Variants in ATXN1 observed in about 807,000 individuals in gnomAD.
The protein encoded by ATXN1 is ataxin-1.
In ATXN1, 8 loss-of-function variants were observed where a neutral mutation model predicts 56.4. The observed-to-expected ratio is 0.14, with a 90% CI of 0.08 to 0.26. The LOEUF (loss-of-function observed/expected upper bound fraction) is 0.26, where lower values mean the gene tolerates loss of function less well. Among genes scored for constraint, ATXN1 ranks in the 10% least tolerant of loss-of-function variants. The probability of loss-of-function intolerance (pLI) is 1.00; values close to 1 mark genes in which losing one functional copy is unlikely to be tolerated. For synonymous variants in ATXN1, 514 were observed against 494.6 expected (o/e 1.04, Z -0.52); for missense variants, 987 against 1,106.5 (o/e 0.89, Z 1.53).
chr6:16,312,215 A>G (rs968222058), intron 7 of ATXN1, among the ~76,000 whole-genome samples: 1 of 152,236 alleles, frequency 6.6e-6, no homozygotes, highest in Non-Finnish European at 1.5e-5. Context: ...ATAATTGATT[A>G]GTGCAAAAGT....
intron 6 of ATXN1, among the ~76,000 whole-genome samples, chr6:16,392,274 G>A (rs183107447): frequency 1.1e-4 from 16 of 152,270 alleles, no homozygotes; most frequent in African/African-American, 3.9e-4. Flanking sequence ...CAAGCACAAA[G>A]ACAGAACTTG....
chr6:16,716,384 A>G (rs1378899795), intron 2 of ATXN1, among the ~76,000 whole-genome samples: 1 of 152,238 alleles, frequency 6.6e-6, no homozygotes, highest in Non-Finnish European at 1.5e-5. Flanking sequence ...ATGGTTAATC[A>G]TCTGTAAACC....
intron 4 of ATXN1, among the ~76,000 whole-genome samples, chr6:16,531,623 C>CAA (rs5874561): frequency 8.8e-5 from 9 of 102,532 alleles, no homozygotes; most frequent in African/African-American, 1.2e-4. Flanking sequence ...AACTGTGTCT[C>CAA]AAAAAAAAAA....
intron 4 of ATXN1, among the ~76,000 whole-genome samples, chr6:16,558,300 C>CAAAAAA (rs34684208): frequency 1.0e-5 from 1 of 95,410 alleles, no homozygotes; most frequent in Non-Finnish European, 2.1e-5. Context: ...GATCCTGTGT[C>CAAAAAA]AAAAAAAAAA....
chr6:16,579,178 A>G (rs542322290), intron 4 of ATXN1, among the ~76,000 whole-genome samples: 1 of 152,296 alleles, frequency 6.6e-6, no homozygotes, highest in East Asian at 1.9e-4. Flanking sequence ...GTGCATGAAC[A>G]GAGTGTTTTT....
chr6:16,600,276 G>C (rs533743360), intron 3 of ATXN1, among the ~76,000 whole-genome samples: 1 of 152,056 alleles, frequency 6.6e-6, no homozygotes, highest in African/African-American at 2.4e-5. Flanking sequence ...AGCATCATCC[G>C]GTGCTTCTCA....
chr6:16,609,295 A>C (rs977180594), intron 3 of ATXN1, among the ~76,000 whole-genome samples: 1 of 152,320 alleles, frequency 6.6e-6, no homozygotes, highest in South Asian at 2.1e-4. Flanking sequence ...AGAACCAAGC[A>C]TAAGTCCTCC....
At chr6:16,387,476 T>C (rs897179285) in intron 6 of ATXN1, among the ~76,000 whole-genome samples, 1 of 152,214 alleles carries the variant, frequency 6.6e-6, no homozygotes, top group Non-Finnish European at 1.5e-5. Context: ...AAACTCAGAC[T>C]ATGCTTGCTC....
intron 6 of ATXN1, among the ~76,000 whole-genome samples, chr6:16,452,025 C>T (rs1759764693): frequency 1.3e-5 from 2 of 152,180 alleles, no homozygotes; most frequent in African/African-American, 4.8e-5. Context: ...GTCCGAATGT[C>T]AGGCCGTTCT....
At chr6:16,456,199 C>T (rs1175532761) in intron 6 of ATXN1, among the ~76,000 whole-genome samples, 1 of 152,188 alleles carries the variant, frequency 6.6e-6, no homozygotes, top group African/African-American at 2.4e-5. Flanking sequence ...TGCCTCCATT[C>T]TTGAAGTCAG....
chr6:16,386,711 T>C (rs1304348342), intron 6 of ATXN1, among the ~76,000 whole-genome samples: 1 of 151,940 alleles, frequency 6.6e-6, no homozygotes, highest in Non-Finnish European at 1.5e-5. Context: ...ATAAAAGAAA[T>C]GAAGAAACGC....
chr6:16,306,745 C>T lies in ATXN1; in HGVS notation c.2032G>A (p.Val678Ile), dbSNP rs1760261759. The T allele has an allele frequency of 1.2e-6, 2 of 1,614,078 alleles. No homozygotes were observed. Among genetic ancestry groups the T allele is most frequent in the Non-Finnish European group, 1.7e-6 (2 of 1,179,982 alleles). The change falls in exon 8 of 8, where the codon GTT becomes ATT. Residue 678 changes from valine to isoleucine, a missense_variant. Coordinates refer to ENST00000436367, the MANE Select transcript of ATXN1 (RefSeq NM_001128164.2). The surrounding 1 kb of genome is among the most constrained non-coding windows in gnomAD (Gnocchi z 5.2). Reference sequence around the variant, plus strand: ...GTAAGCGAGATGCAGACATCCCCAACTGAGAGTTTGGAACACGGCAAATCA... The same window carrying T: ...GTAAGCGAGATGCAGACATCCCCAATTGAGAGTTTGGAACACGGCAAATCA... Reference protein sequence around the residue: ...LFDLPCSKLSVGDVCISLTLK... With the variant: ...LFDLPCSKLSIGDVCISLTLK...
chr6:16,492,465 C>CA (rs547153617), intron 5 of ATXN1, among the ~76,000 whole-genome samples: 23 of 145,490 alleles, frequency 1.6e-4, no homozygotes, highest in African/African-American at 2.8e-4. Context: ...GATGCACACA[C>CA]AAAAAAAAAT....
At chr6:16,345,914 C>G (rs1171512388) in intron 6 of ATXN1, among the ~76,000 whole-genome samples, 1 of 152,158 alleles carries the variant, frequency 6.6e-6, no homozygotes, top group East Asian at 1.9e-4. Flanking sequence ...TCCTCCTCCC[C>G]CAGCTCAGCG....
chr6:16,582,065 C>T (rs1180666468), intron 4 of ATXN1, among the ~76,000 whole-genome samples: 4 of 152,204 alleles, frequency 2.6e-5, no homozygotes, highest in African/African-American at 9.6e-5. Flanking sequence ...TCTCTCCTTA[C>T]CTTCTTCATT....
At position 16,510,252 on chromosome 6, in the gene ATXN1, C is replaced by T. The variant is rs574947263; in HGVS notation, c.-299+12375G>A. Among the ~76,000 whole-genome samples, 9 of 152,288 alleles carry T rather than the reference C, an allele frequency of 5.9e-5. No homozygotes were observed. The East Asian group carries it at 1.5e-3, about 26-fold the overall frequency. ...TTCCTGGGACCAGCAGCATCTCAGGCCCTATCTCAGACCGACAGGATCAGA... is the reference window on the plus strand; with the variant it reads ...TTCCTGGGACCAGCAGCATCTCAGGTCCTATCTCAGACCGACAGGATCAGA... On this transcript the variant is annotated intron_variant, in intron 5 of 7. Coordinates refer to ENST00000436367, the MANE Select transcript of ATXN1 (RefSeq NM_001128164.2).
intron 6 of ATXN1, among the ~76,000 whole-genome samples, chr6:16,368,649 C>T (rs1032632316): frequency 6.6e-6 from 1 of 152,116 alleles, no homozygotes; most frequent in African/African-American, 2.4e-5. Flanking sequence ...GGTCTTCCAA[C>T]TGGCACATCT....
At chr6:16,635,971 C>A (rs961575638) in intron 3 of ATXN1, among the ~76,000 whole-genome samples, 9 of 152,194 alleles carry the variant, frequency 5.9e-5, no homozygotes, top group African/African-American at 2.2e-4. Context: ...TTCCCCAGAG[C>A]ACAACCCTAA....
intron 6 of ATXN1, among the ~76,000 whole-genome samples, chr6:16,362,217 G>A (rs1761822799): frequency 6.6e-6 from 1 of 152,134 alleles, no homozygotes; most frequent in Non-Finnish European, 1.5e-5. Context: ...GGAGAAACAG[G>A]GCAAGTAGCT....
Sources: allele counts gnomAD v4.1 joint callset (sites outside exome capture counted in the v4.1 genomes callset), GRCh38; gene constraint gnomAD v4.1.1; non-coding constraint Gnocchi (gnomAD v3.1); transcripts MANE v1.5; gene names NCBI Gene and HGNC (gene_info 2026-07-23, HGNC 2026-07-21).